FHIT: variants seen among roughly 807,000 people sequenced by gnomAD.
The protein encoded by FHIT is bis(5'-adenosyl)-triphosphatase.
FHIT carries 19 observed loss-of-function variants against 17.9 expected under a neutral mutation model. The ratio of observed to expected loss-of-function variants is 1.06; its 90% CI spans 0.74 to 1.56. FHIT has a LOEUF of 1.56. Ranked by LOEUF, FHIT falls within the 40% of genes most tolerant of loss-of-function variation. FHIT has a pLI of 0.00. For missense variants in FHIT, 248 were observed against 189.2 expected, an observed-to-expected ratio of 1.31 and a Z score of -1.82; for synonymous variants, 81 against 69.7, an observed-to-expected ratio of 1.16 and a Z score of -0.81.
intron 5 of FHIT, among the ~76,000 whole-genome samples, chr3:60,367,677 A>G (rs926201974): frequency 6.6e-6 from 1 of 152,246 alleles, no homozygotes; most frequent in Admixed American, 6.5e-5. Flanking sequence ...TTTAAAAACA[A>G]CAAAGCAAAA....
chr3:60,512,007 G>A (rs1461247378), intron 5 of FHIT, among the ~76,000 whole-genome samples: 1 of 152,032 alleles, frequency 6.6e-6, no homozygotes, highest in Non-Finnish European at 1.5e-5. Flanking sequence ...GAGAGGTAAA[G>A]TTCTTCCTTA....
chr3:60,611,177 G>T (rs1345175888), intron 4 of FHIT, among the ~76,000 whole-genome samples: 5 of 152,034 alleles, frequency 3.3e-5, no homozygotes, highest in Non-Finnish European at 5.9e-5. Flanking sequence ...ATGTTTATTG[G>T]GTACTGATGG....
chr3:60,523,650 A>G (rs2035460358), intron 5 of FHIT, among the ~76,000 whole-genome samples: 1 of 152,322 alleles, frequency 6.6e-6, no homozygotes, highest in Middle Eastern at 3.4e-3. Context: ...AGTGGCATAT[A>G]CAATCTTGGG....
intron 4 of FHIT, among the ~76,000 whole-genome samples, chr3:60,550,461 C>G (rs922548211): frequency 6.6e-6 from 1 of 152,112 alleles, no homozygotes; most frequent in African/African-American, 2.4e-5. Context: ...AAGTCATCAA[C>G]TTATGTCACT....
At chr3:60,115,953 T>C (rs915527401) in intron 5 of FHIT, among the ~76,000 whole-genome samples, 7 of 152,228 alleles carry the variant, frequency 4.6e-5, no homozygotes, top group African/African-American at 1.7e-4. Context: ...ATGATGGTTA[T>C]AGATGAGAAG....
At chr3:61,197,296 G>A (rs2038879196) in intron 2 of FHIT, among the ~76,000 whole-genome samples, 1 of 152,164 alleles carries the variant, frequency 6.6e-6, no homozygotes, top group African/African-American at 2.4e-5. Flanking sequence ...TTACAGGTGA[G>A]GAACCTCAGA....
chr3:60,719,794 ACTC>A (rs2041768776), intron 4 of FHIT, among the ~76,000 whole-genome samples: 1 of 151,986 alleles, frequency 6.6e-6, no homozygotes, highest in Admixed American at 6.6e-5. Flanking sequence ...TTCATCGTCT[ACTC>A]CTTTGAATCC....
chr3:60,411,736 T>A (rs985048796), intron 5 of FHIT, among the ~76,000 whole-genome samples: 14 of 152,104 alleles, frequency 9.2e-5, no homozygotes, highest in Non-Finnish European at 1.8e-4. Flanking sequence ...GAAAATGCTT[T>A]CAACAAACCT....
chr3:60,874,184 T>C (rs1704540813), intron 3 of FHIT, among the ~76,000 whole-genome samples: 1 of 152,182 alleles, frequency 6.6e-6, no homozygotes, highest in Non-Finnish European at 1.5e-5. Context: ...TGTAGGGCTG[T>C]CGTTAGAATT....
chr3:59,860,921 G>C (rs987207440), intron 8 of FHIT, among the ~76,000 whole-genome samples: 1 of 152,112 alleles, frequency 6.6e-6, no homozygotes. Context: ...AAATGGCAGA[G>C]CCCAGGTCCA....
intron 5 of FHIT, among the ~76,000 whole-genome samples, chr3:60,132,134 A>G (rs1191524926): frequency 6.6e-6 from 1 of 152,126 alleles, no homozygotes; most frequent in Non-Finnish European, 1.5e-5. Flanking sequence ...AGAGCTTTCC[A>G]TGTCCCCCTT....
intron 8 of FHIT, among the ~76,000 whole-genome samples, chr3:59,866,855 G>A (rs532376747): frequency 6.6e-5 from 10 of 151,996 alleles, no homozygotes; most frequent in South Asian, 2.1e-4. Flanking sequence ...GTCTCTCACC[G>A]GCAATCGCAT....
At chr3:59,899,883 G>T (rs1275363127) in intron 8 of FHIT, among the ~76,000 whole-genome samples, 1 of 152,114 alleles carries the variant, frequency 6.6e-6, no homozygotes, top group Admixed American at 6.6e-5. Flanking sequence ...GCTATTGCAG[G>T]CCTAGCACTC....
chr3:60,162,236 T>A (rs1457688155), intron 5 of FHIT, among the ~76,000 whole-genome samples: 2 of 152,210 alleles, frequency 1.3e-5, no homozygotes, highest in African/African-American at 4.8e-5. Flanking sequence ...CAATATTTTT[T>A]AAAATTTTGT....
At chr3:60,400,973 C>T (rs955033470) in intron 5 of FHIT, among the ~76,000 whole-genome samples, 2 of 151,936 alleles carry the variant, frequency 1.3e-5, no homozygotes, top group African/African-American at 4.8e-5. Flanking sequence ...TTCCTTAGTG[C>T]TGCATAGAAA....
intron 5 of FHIT, among the ~76,000 whole-genome samples, chr3:60,124,013 G>C (rs866770070): frequency 4.6e-5 from 2 of 43,814 alleles, no homozygotes; most frequent in African/African-American, 9.8e-5. Flanking sequence ...TATATATAGA[G>C]AGAGAGAGAG....
intron 5 of FHIT, among the ~76,000 whole-genome samples, chr3:60,337,127 A>G (rs1336677639): frequency 6.6e-6 from 1 of 152,178 alleles, no homozygotes; most frequent in Non-Finnish European, 1.5e-5. Flanking sequence ...TTCTTGGGCT[A>G]AGTTCACAAT....
intron 5 of FHIT, among the ~76,000 whole-genome samples, chr3:60,339,228 T>C (rs761466790): frequency 4.6e-5 from 7 of 152,182 alleles, no homozygotes; most frequent in Non-Finnish European, 7.3e-5. Context: ...TCCTTTTTTT[T>C]CTTTCTTGAT....
intron 4 of FHIT, among the ~76,000 whole-genome samples, chr3:60,714,026 A>T (rs1239053614): frequency 2.6e-5 from 4 of 152,280 alleles, no homozygotes; most frequent in African/African-American, 7.2e-5. Context: ...TTGATGCAAA[A>T]ATCCTCAATA....
Sources: allele counts gnomAD v4.1 joint callset (sites outside exome capture counted in the v4.1 genomes callset), GRCh38; gene constraint gnomAD v4.1.1; transcripts MANE v1.5; gene names NCBI Gene and HGNC (gene_info 2026-07-23, HGNC 2026-07-21).